The following VPS41 variants were observed in gnomAD, a reference collection of about 807,000 sequenced individuals.
The protein encoded by VPS41 is VPS41 subunit of HOPS complex.
Under a neutral mutation model 130.9 loss-of-function variants are expected in VPS41, and 85 were observed. The observed-to-expected ratio is 0.65, with a 90% confidence interval of 0.55 to 0.78. The LOEUF (loss-of-function observed/expected upper bound fraction) is 0.78. VPS41 is among the 30% of genes least tolerant of loss of function. The pLI, the probability that VPS41 is intolerant of heterozygous loss-of-function variation, is 0.00. For synonymous variants in VPS41, 335 were observed against 332.9 expected (o/e 1.01, Z -0.07); for missense variants, 874 against 1,018.7 (o/e 0.86, Z 1.93).
chr7:38,793,044 C>A (rs1784562152), intron 9 of VPS41, among the ~76,000 whole-genome samples: 1 of 152,132 alleles, frequency 6.6e-6, no homozygotes, highest in South Asian at 2.1e-4. Context: ...TTGGACAGGC[C>A]ATCCCTGGAC....
At chr7:38,840,427 A>G (rs1330645948) in intron 4 of VPS41, among the ~76,000 whole-genome samples, 3 of 152,172 alleles carry the variant, frequency 2.0e-5, no homozygotes, top group Non-Finnish European at 1.5e-5. Context: ...TTACTACAAT[A>G]TGCTTCCCCT....
chr7:38,779,523 A>G (rs532859318), intron 10 of VPS41, among the ~76,000 whole-genome samples: 1 of 152,288 alleles, frequency 6.6e-6, no homozygotes, highest in South Asian at 2.1e-4. Context: ...ATCATGCAAA[A>G]AAGAACTCAC....
intron 21 of VPS41, among the ~76,000 whole-genome samples, chr7:38,753,341 A>C (rs550241252): frequency 6.6e-6 from 1 of 152,168 alleles, no homozygotes; most frequent in East Asian, 1.9e-4. Flanking sequence ...CACCTTAAGA[A>C]ACCAATCTTC....
intron 2 of VPS41, among the ~76,000 whole-genome samples, chr7:38,895,331 A>T (rs893285694): frequency 2.0e-5 from 3 of 152,082 alleles, no homozygotes; most frequent in Admixed American, 6.5e-5. Context: ...AAAAAAAAAT[A>T]AAAATAAAAA....
Position 38,811,406 on chromosome 7 carries a change from C to T in VPS41, c.450+6411G>A, listed in dbSNP as rs1784939932. Among the ~76,000 whole-genome samples, 5 of 151,928 alleles carry T rather than the reference C, an allele frequency of 3.3e-5. No individual in the cohort carries two copies. The South Asian group carries it at 6.2e-4, about 19-fold the overall frequency. Reference sequence around the variant, plus strand: ...GGTACTTTTTAGTACTTAGTAAATACATATTTACATGATAAAATTTAATGG... The same window carrying T: ...GGTACTTTTTAGTACTTAGTAAATATATATTTACATGATAAAATTTAATGG... On this transcript the variant is annotated intron_variant, in intron 7 of 28. Transcript: ENST00000310301.
chr7:38,761,392 C>T (rs556329506), intron 17 of VPS41, among the ~76,000 whole-genome samples: 3 of 150,780 alleles, frequency 2.0e-5, no homozygotes, highest in African/African-American at 7.3e-5. Flanking sequence ...TCTCTCGCTT[C>T]AGCCTCCCAA....
intron 4 of VPS41, among the ~76,000 whole-genome samples, chr7:38,832,880 C>T (rs187283651): frequency 3.3e-5 from 5 of 152,230 alleles, no homozygotes; most frequent in African/African-American, 1.2e-4. Flanking sequence ...AGGGCCTCTC[C>T]CTATTGCAGA....
At position 38,732,377 on chromosome 7, in the gene VPS41, C is replaced by A. The variant is rs558138599; in HGVS notation, c.2260-3586G>T. Among the ~76,000 whole-genome samples, 7 of 152,198 alleles carry A rather than the reference C, an allele frequency of 4.6e-5. No homozygotes were observed. The East Asian group carries it at 1.2e-3, about 25-fold the overall frequency. ...TTCAAGTAAATGACAAACAGTTTTC[C>A]AAAGTGGTTATATAGCATTTTATAC... On this transcript the variant is annotated intron_variant, in intron 25 of 28. Transcript: ENST00000310301.
At chr7:38,777,977 T>C (rs1784291374) in intron 10 of VPS41, among the ~76,000 whole-genome samples, 1 of 152,266 alleles carries the variant, frequency 6.6e-6, no homozygotes, top group Non-Finnish European at 1.5e-5. Context: ...GATTACTTAG[T>C]GTTCCTTGTC....
At position 38,726,316 on chromosome 7, in the gene VPS41, G is replaced by GC. The variant is rs778519803; in HGVS notation, c.2494dup (p.Ala832GlyfsTer10). The GC allele has an allele frequency of 6.2e-7, 1 of 1,612,472 alleles. No individual in the cohort carries two copies. The highest frequency in any genetic ancestry group is 1.1e-5 in the South Asian group (1 of 90,722). On this transcript the variant is annotated frameshift_variant, in exon 29 of 29. Coordinates refer to ENST00000310301, the MANE Select transcript of VPS41 (RefSeq NM_014396.4). LOFTEE classifies it high-confidence loss of function. ...AGCACTGCAGATGTTGCAGAACTGT[G>GC]CAGCAGAGTTCTAAAAATGCAATTT...
chr7:38,734,385 T>C (rs1562564952), intron 25 of VPS41, among the ~76,000 whole-genome samples: 1 of 152,204 alleles, frequency 6.6e-6, no homozygotes, highest in East Asian at 1.9e-4. Flanking sequence ...AACGTGACCT[T>C]TACTCTTCCC....
chr7:38,896,737 G>A (rs1206513028), intron 2 of VPS41, among the ~76,000 whole-genome samples: 1 of 152,180 alleles, frequency 6.6e-6, no homozygotes, highest in East Asian at 1.9e-4. Flanking sequence ...AGCTTATGCA[G>A]TATCAACCCA....
intron 3 of VPS41, 37 bp downstream of exon 3, chr7:38,869,109 C>G (rs750864616): frequency 6.8e-7 from 1 of 1,473,320 alleles, no homozygotes; most frequent in Non-Finnish European, 9.2e-7. Context: ...ACAATGGAAA[C>G]AATTTACAGA....
chr7:38,767,785 A>G (rs1284847037), intron 14 of VPS41, among the ~76,000 whole-genome samples, 187 bp from the exon 15 acceptor site: 1 of 152,218 alleles, frequency 6.6e-6, no homozygotes, highest in East Asian at 1.9e-4. Flanking sequence ...AAATGTATTT[A>G]TATTTTCATA....
At chr7:38,773,977 T>G in intron 12 of VPS41, 138 bp downstream of exon 12, 2 of 810,794 alleles carry the variant, frequency 2.5e-6, no homozygotes, top group South Asian at 2.6e-5. Flanking sequence ...ATGTCCTTGT[T>G]TTCAGCACAC....
chr7:38,771,831 A>G (rs1306444471), intron 13 of VPS41, among the ~76,000 whole-genome samples: 1 of 152,156 alleles, frequency 6.6e-6, no homozygotes, highest in Non-Finnish European at 1.5e-5. Context: ...TTAAAGTAAC[A>G]TGGTAATTAC....
At chr7:38,849,531 C>T (rs960008514) in intron 4 of VPS41, among the ~76,000 whole-genome samples, 2 of 152,204 alleles carry the variant, frequency 1.3e-5, no homozygotes, top group African/African-American at 4.8e-5. Flanking sequence ...CTCCTGAAGT[C>T]TGGCCGCTCA....
intron 2 of VPS41, among the ~76,000 whole-genome samples, chr7:38,897,843 C>A (rs536119539): frequency 1.3e-5 from 2 of 152,232 alleles, no homozygotes; most frequent in South Asian, 2.1e-4. Context: ...TTCCAACTGC[C>A]AACATGTTTC....
At chr7:38,843,092 G>A (rs1785641826) in intron 4 of VPS41, among the ~76,000 whole-genome samples, 2 of 152,148 alleles carry the variant, frequency 1.3e-5, no homozygotes, top group Non-Finnish European at 2.9e-5. Context: ...AATAAAAACA[G>A]AGGCAGAGTT....
Sources: allele counts gnomAD v4.1 joint callset (sites outside exome capture counted in the v4.1 genomes callset), GRCh38; gene constraint gnomAD v4.1.1; transcripts MANE v1.5; gene names NCBI Gene and HGNC (gene_info 2026-07-23, HGNC 2026-07-21).